Variants in MYOM1 observed in about 807,000 individuals in gnomAD.
The protein encoded by MYOM1 is myomesin 1.
In MYOM1, 164 loss-of-function variants were observed where a neutral mutation model predicts 205.3. The ratio of observed to expected loss-of-function variants is 0.80; its 90% CI spans 0.70 to 0.91. The LOEUF is 0.91. Among genes scored for constraint, MYOM1 ranks in the 40% least tolerant of loss-of-function variants. MYOM1 has a pLI of 0.00. For synonymous variants in MYOM1, 772 were observed against 789.4 expected (o/e 0.98, Z 0.37); for missense variants, 2,011 against 2,127.3 (o/e 0.95, Z 1.08).
intron 19 of MYOM1, among the ~76,000 whole-genome samples, chr18:3,122,650 T>C (rs2079713086): frequency 6.6e-6 from 1 of 152,144 alleles, no homozygotes; most frequent in Admixed American, 6.6e-5. Flanking sequence ...TAAACGATAA[T>C]TGGCAAACAA....
At chr18:3,208,046 CCA>C (rs956226290) in intron 2 of MYOM1, among the ~76,000 whole-genome samples, 3 of 152,204 alleles carry the variant, frequency 2.0e-5, no homozygotes, top group African/African-American at 7.2e-5. Flanking sequence ...CTTTAACATT[CCA>C]CAGTTCTATG....
intron 2 of MYOM1, among the ~76,000 whole-genome samples, chr18:3,197,574 T>A (rs117505376): frequency 0.018 from 2,761 of 152,072 alleles, 81 homozygotes; most frequent in East Asian, 0.13. Flanking sequence ...TGATTTTTTT[T>A]AAAAAAAGAA....
rs754365124 is a variant in MYOM1 at position 3,067,385 on chromosome 18, C to T, written c.4935G>A (p.Gly1645=). Reference sequence around the variant, plus strand: ...AGCCATACTTGTTCTTCACAACCAGCCCGTATTTGCCCGAGTCAGCGGTGC... The same window carrying T: ...AGCCATACTTGTTCTTCACAACCAGTCCGTATTTGCCCGAGTCAGCGGTGC... ...GVSTADSGKY[G]LVVKNKYGSE... is the part of the protein sequence containing the mutation. Residue 1645 remains glycine (G), a synonymous_variant, in exon 38 of 38, where the codon GGG becomes GGA. Coordinates refer to ENST00000356443, the MANE Select transcript of MYOM1 (RefSeq NM_003803.4). 21 of 1,613,144 alleles carry T rather than the reference C, an allele frequency of 1.3e-5. No homozygotes were observed. Among genetic ancestry groups the T allele is most frequent in the Non-Finnish European group, 1.7e-5 (20 of 1,179,914 alleles).
chr18:3,158,667 G>T (rs1328939265), intron 10 of MYOM1, among the ~76,000 whole-genome samples: 1 of 151,898 alleles, frequency 6.6e-6, no homozygotes, highest in Non-Finnish European at 1.5e-5. Flanking sequence ...AGGCTGGAGT[G>T]CAGTGAGGCA....
At position 3,149,159 on chromosome 18, in the gene MYOM1, T is replaced by C. The variant is rs773339677; in HGVS notation, c.1886A>G (p.Glu629Gly). 1 of 1,613,876 alleles carries C rather than the reference T, an allele frequency of 6.2e-7. No homozygotes were observed. Among genetic ancestry groups the C allele is most frequent in the East Asian group, 2.2e-5 (1 of 44,884 alleles). Residue 629 changes from glutamate (E) to glycine (G), a missense_variant, in exon 13 of 38, where the codon GAA becomes GGA. Glu to Gly is a moderately conservative substitution (Grantham distance 98, BLOSUM62 -2). Transcript: ENST00000356443. ...APWTGQIIVT[E>G]EEPSEGIVPG... ...AGACTTCTTACCTGAAGGTTCCTCT[T>C]CAGTAACAATGATCTGTCCAGTCCA...
intron 3 of MYOM1, among the ~76,000 whole-genome samples, chr18:3,190,762 T>G (rs1245693491): frequency 6.6e-6 from 1 of 152,198 alleles, no homozygotes. Flanking sequence ...GAAGTCAATA[T>G]GCAATAGGGA....
chr18:3,089,073 A>C, intron 29 of MYOM1, 101 bp downstream of exon 29: 1 of 697,950 alleles, frequency 1.4e-6, no homozygotes, highest in Non-Finnish European at 2.4e-6. Context: ...CCCACTTATC[A>C]TTTTGGCTCA....
chr18:3,113,763 A>T (rs2079563867), intron 21 of MYOM1, among the ~76,000 whole-genome samples: 1 of 152,222 alleles, frequency 6.6e-6, no homozygotes, highest in South Asian at 2.1e-4. Context: ...ATAAGAAGGA[A>T]TTTATTACAC....
intron 2 of MYOM1, among the ~76,000 whole-genome samples, chr18:3,194,670 AT>A (rs1460748461): frequency 6.6e-6 from 1 of 152,196 alleles, no homozygotes; most frequent in East Asian, 1.9e-4. Flanking sequence ...AAAAGGACTG[AT>A]GAAATGAAAA....
At chr18:3,183,938 C>T (rs1210928443) in intron 5 of MYOM1, among the ~76,000 whole-genome samples, 1 of 151,158 alleles carries the variant, frequency 6.6e-6, no homozygotes, top group Middle Eastern at 3.4e-3. Flanking sequence ...CAGGGTCACA[C>T]TCTATTGCTC....
intron 22 of MYOM1, among the ~76,000 whole-genome samples, chr18:3,105,358 T>A (rs1473402851): frequency 6.6e-6 from 1 of 152,200 alleles, no homozygotes; most frequent in African/African-American, 2.4e-5. Flanking sequence ...GTATACTGCA[T>A]CCAAGAAGGA....
In MYOM1 at chr18:3,102,566, A is replaced by G; in HGVS notation, c.3483T>C (p.Asp1161=). ...DGVISLNFEC[D]KMTPKSEFSW... is the part of the protein sequence containing the mutation. ...AGAACTCGGACTTTGGAGTCATCTT[A>G]TCACACTCGAAGTTCAATGAAATGA... Residue 1161 remains aspartate, a synonymous_variant, in exon 23 of 38, where the codon GAT becomes GAC. Coordinates refer to ENST00000356443, the MANE Select transcript of MYOM1 (RefSeq NM_003803.4). 1 of 1,613,890 alleles carries G rather than the reference A, an allele frequency of 6.2e-7. No individual in the cohort carries two copies. Among genetic ancestry groups the G allele is most frequent in the Non-Finnish European group, 8.5e-7 (1 of 1,179,840 alleles).
At chr18:3,088,053 G>C (rs1301207833) in intron 29 of MYOM1, among the ~76,000 whole-genome samples, 2 of 152,176 alleles carry the variant, frequency 1.3e-5, no homozygotes, top group East Asian at 3.9e-4. Context: ...CGTCATTCCA[G>C]GCATTGGAAC....
Position 3,214,920 on chromosome 18 carries a change from G to C in MYOM1, c.290+14C>G, listed in dbSNP as rs7232679. The C allele has an allele frequency of 0.28, 438,376 of 1,561,468 alleles. 62,762 individuals carry two copies. Among genetic ancestry groups the C allele is most frequent in the African/African-American group, 0.38 (27,824 of 73,858 alleles). On this transcript the variant is annotated intron_variant, in intron 2 of 37. Transcript: ENST00000356443. ...TCCTGAGGTTGGAAGGTTGGAGGAG[G>C]GCGTCCGACATACCCATGGGAGGAG...
At chr18:3,167,022 G>A (rs939912037) in intron 9 of MYOM1, among the ~76,000 whole-genome samples, 12 of 152,322 alleles carry the variant, frequency 7.9e-5, no homozygotes, top group East Asian at 1.9e-4. Context: ...CATGGGCCTC[G>A]CAGATATGTA....
intron 16 of MYOM1, 151 bp downstream of exon 16, chr18:3,134,499 C>T (rs113420567): frequency 4.1e-5 from 33 of 802,246 alleles, no homozygotes; most frequent in African/African-American, 1.9e-4. Context: ...CCTCAGCCTC[C>T]GAAAGTGCTA....
At chr18:3,155,221 A>AT in intron 10 of MYOM1, 133 bp from the exon 11 acceptor site, 1 of 934,826 alleles carries the variant, frequency 1.1e-6, no homozygotes, top group East Asian at 2.9e-5. Context: ...CAAGCATCAA[A>AT]TCTTGCTATT....
chr18:3,072,510 C>T (rs553279740), intron 36 of MYOM1, among the ~76,000 whole-genome samples: 24 of 151,828 alleles, frequency 1.6e-4, no homozygotes, highest in Non-Finnish European at 1.9e-4. Flanking sequence ...TGTACCACCA[C>T]GCCTGGCTAA....
chr18:3,112,370 G>T lies in MYOM1; in HGVS notation c.3346C>A (p.Arg1116=). 2 of 1,610,730 alleles carry T rather than the reference G, an allele frequency of 1.2e-6. No individual in the cohort carries two copies. The highest frequency in any genetic ancestry group is 3.3e-5 in the Admixed American group (2 of 59,796). Residue 1116 remains arginine (R), a synonymous_variant, in exon 22 of 38, where the codon CGA becomes AGA. Coordinates refer to ENST00000356443, the MANE Select transcript of MYOM1 (RefSeq NM_003803.4). ...KEGVSYVFRV[R]AINQAGVGKP... The stretch of plus-strand genomic sequence containing the variant: ...CCAACTCCCGCCTGGTTTATGGCTC[G>T]AACACGGAACACGTAGCTGACGCCC...
Sources: gnomAD v4.1 joint callset for allele counts (sites outside exome capture counted in the v4.1 genomes callset) on GRCh38, gnomAD v4.1.1 for gene constraint, MANE v1.5 for transcripts, NCBI Gene and HGNC (gene_info 2026-07-23, HGNC 2026-07-21) for gene names.